The following COA5 variants were observed in gnomAD, a reference collection of about 807,000 sequenced individuals.
The protein encoded by COA5 is cytochrome c oxidase assembly factor 5, also known as protein C2orf64.
In COA5, 11 loss-of-function variants were observed where a neutral mutation model predicts 11.8. That is an observed-to-expected ratio of 0.93 (90% CI 0.59 to 1.54). The LOEUF is 1.54. COA5 is among the 40% of genes most tolerant of loss of function. The probability of loss-of-function intolerance (pLI) is 0.00; values close to 1 mark genes in which losing one functional copy is unlikely to be tolerated. For missense variants in COA5, 87 were observed against 89.2 expected (o/e 0.97, Z 0.10); for synonymous variants, 38 against 37.5 (o/e 1.01, Z -0.05).
Position 98,599,453 on chromosome 2 carries a change from A to C in COA5, c.*1299T>G, listed in dbSNP as rs1194560642. 3 of 152,194 alleles carry C rather than the reference A, an allele frequency of 2.0e-5. No individual in the cohort carries two copies. The highest frequency in any genetic ancestry group is 2.9e-5 in the Non-Finnish European group (2 of 68,044). The allele number at this position is 152,194 out of a possible 1,614,324, so 9.4% of individuals were successfully genotyped here. On this transcript the variant is annotated 3_prime_UTR_variant, in exon 3 of 3. Coordinates refer to ENST00000328709, the MANE Select transcript of COA5 (RefSeq NM_001008215.3). The stretch of plus-strand genomic sequence containing the variant: ...TAATAAAAAGTTAGATCACTTATAT[A>C]TATATACATTGAAAAAAACTATTAT...
chr2:98,606,487 A>C (rs1008258508), intron 1 of COA5, among the ~76,000 whole-genome samples: 1 of 152,242 alleles, frequency 6.6e-6, no homozygotes, highest in African/African-American at 2.4e-5. Flanking sequence ...CGGGAAAAGC[A>C]AAGTCTGTAC....
intron 2 of COA5, chr2:98,602,271 A>G (rs1437097346): frequency 6.6e-6 from 1 of 152,176 alleles, no homozygotes; most frequent in Non-Finnish European, 1.5e-5. Context: ...TTTTTTGCCA[A>G]GCATGTATAA....
At chr2:98,600,916 G>A in intron 2 of COA5, 123 bp from the exon 3 acceptor site, 1 of 704,330 alleles carries the variant, frequency 1.4e-6, no homozygotes, top group Non-Finnish European at 2.5e-6. Context: ...TCAAAAAGGT[G>A]ATGACATCAG....
At chr2:98,604,036 A>T in intron 2 of COA5, 72 bp downstream of exon 2, 1 of 1,081,226 alleles carries the variant, frequency 9.2e-7, no homozygotes, top group Non-Finnish European at 1.4e-6. Flanking sequence ...TATAACTATT[A>T]AGTCATTCAT....
At chr2:98,604,595 A>T (rs2106593406) in intron 1 of COA5, 1 of 215,706 alleles carries the variant, frequency 4.6e-6, no homozygotes, top group Non-Finnish European at 9.3e-6. Flanking sequence ...TACTACTTAA[A>T]TAGAAACATG....
rs1700616268 is a variant in COA5 at position 98,599,820 on chromosome 2, TTGCTC to T, written c.*927_*931del. 6.6e-6 allele frequency: 1 copy of T among 152,276 alleles called. No individual in the cohort carries two copies. Among genetic ancestry groups the T allele is most frequent in the Non-Finnish European group, 1.5e-5 (1 of 68,064 alleles). 9.4% of individuals were successfully genotyped at this position (152,276 alleles called of 1,614,324 possible). On this transcript the variant is annotated 3_prime_UTR_variant, in exon 3 of 3. Coordinates refer to ENST00000328709, the MANE Select transcript of COA5 (RefSeq NM_001008215.3). ...TATAGTGAACATCTGTTGTTTCCAC[TTGCTC>T]TAAACCCCTTTCCTTTTGGGATTCA...
rs1006094553 is a variant in COA5, at chr2:98,608,469, G to A, written c.-64C>T. On this transcript the variant is annotated 5_prime_UTR_variant, in exon 1 of 3. Coordinates refer to ENST00000328709, the MANE Select transcript of COA5 (RefSeq NM_001008215.3). ...CACCGCAACACTTGCAACCGGGTCGGGAGCGAGCGAGGCCCCAGTCTCAGG... is the reference window on the plus strand; with the variant it reads ...CACCGCAACACTTGCAACCGGGTCGAGAGCGAGCGAGGCCCCAGTCTCAGG... 4 of 1,314,732 alleles carry A rather than the reference G, an allele frequency of 3.0e-6. No individual in the cohort carries two copies. In the African/African-American group the frequency reaches 4.3e-5, roughly 14 times the overall value. 81.4% of individuals were successfully genotyped at this position (1,314,732 alleles called of 1,614,324 possible). A position where few individuals can be genotyped will look rare whatever the true frequency, so the allele number is the denominator to read the frequency against.
rs1188924726 is a variant in COA5, at chr2:98,600,705, C to A, written c.*47G>T. ...TGTTTTGGCTTCTTTGTGTTAATGA[C>A]CAGGGAAAATATTTGTTGTTTTCCA... On this transcript the variant is annotated 3_prime_UTR_variant, in exon 3 of 3. Transcript: ENST00000328709. 1 of 1,561,484 alleles carries A rather than the reference C, an allele frequency of 6.4e-7. No individual in the cohort carries two copies. Among genetic ancestry groups the A allele is most frequent in the South Asian group, 1.1e-5 (1 of 88,118 alleles).
rs889476382 is a variant in COA5 at position 98,600,405 on chromosome 2, A to T, written c.*347T>A. 3.3e-6 allele frequency: 1 copy of T among 303,202 alleles called. No individual in the cohort carries two copies. Among genetic ancestry groups the T allele is most frequent in the African/African-American group, 2.1e-5 (1 of 46,812 alleles). The allele number at this position is 303,202 out of a possible 1,614,324, so 18.8% of individuals were successfully genotyped here. On this transcript the variant is annotated 3_prime_UTR_variant, in exon 3 of 3. Transcript: ENST00000328709. Reference sequence around the variant, plus strand: ...CTGCATGTTATCGACTGTGTCAGTCAAATCAGTGGCCTGTACTAATTGGGT... The same window carrying T: ...CTGCATGTTATCGACTGTGTCAGTCTAATCAGTGGCCTGTACTAATTGGGT...
chr2:98,600,833 G>T, intron 2 of COA5, 40 bp from the exon 3 acceptor site: 1 of 1,350,776 alleles, frequency 7.4e-7, no homozygotes, highest in Non-Finnish European at 1.1e-6. Flanking sequence ...TTGGTACAAT[G>T]TAATTAATTA....
chr2:98,602,178 C>A (rs1700650391), intron 2 of COA5, among the ~76,000 whole-genome samples: 1 of 152,234 alleles, frequency 6.6e-6, no homozygotes, highest in Non-Finnish European at 1.5e-5. Context: ...ATTCAAACTT[C>A]CCATCTCACC....
intron 1 of COA5, among the ~76,000 whole-genome samples, chr2:98,608,067 A>C (rs908977289): frequency 6.6e-6 from 1 of 152,260 alleles, no homozygotes; most frequent in Admixed American, 6.5e-5. Flanking sequence ...CGTGAACTGA[A>C]ATGGGTTAAC....
At position 98,600,626 on chromosome 2, in the gene COA5, C is replaced by G; in HGVS notation, c.*126G>C. 2 of 774,410 alleles carry G rather than the reference C, an allele frequency of 2.6e-6. No individual in the cohort carries two copies. The highest frequency in any genetic ancestry group is 3.4e-5 in the African/African-American group (2 of 58,338). 48.0% of individuals were successfully genotyped at this position (774,410 alleles called of 1,614,324 possible). On this transcript the variant is annotated 3_prime_UTR_variant, in exon 3 of 3. Coordinates refer to ENST00000328709, the MANE Select transcript of COA5 (RefSeq NM_001008215.3). ...CAACTCATCCACTTTCTTCAGTGTTCCACGGAGGGGAAATCTGGTCCAACC... is the reference window on the plus strand; with the variant it reads ...CAACTCATCCACTTTCTTCAGTGTTGCACGGAGGGGAAATCTGGTCCAACC...
intron 1 of COA5, 57 bp from the exon 2 acceptor site, chr2:98,604,248 A>G: frequency 1.6e-6 from 2 of 1,255,164 alleles, no homozygotes; most frequent in Admixed American, 3.4e-5. Context: ...ACAAAGTACA[A>G]AATAATTGTC....
intron 1 of COA5, among the ~76,000 whole-genome samples, chr2:98,606,238 T>C (rs1303646150): frequency 6.6e-6 from 1 of 152,182 alleles, no homozygotes; most frequent in Non-Finnish European, 1.5e-5. Flanking sequence ...AGCAGAGCTT[T>C]CCTTGGTCTT....
rs185581516 is a variant in COA5, at chr2:98,607,313, G to A, written c.99+994C>T. On this transcript the variant is annotated intron_variant, in intron 1 of 2. Coordinates refer to ENST00000328709, the MANE Select transcript of COA5 (RefSeq NM_001008215.3). ...TAAGGGGCAGAAGGGACACAGCCCTGGACAGGGGAGCCTGAAAACAACGGT... is the reference window on the plus strand; with the variant it reads ...TAAGGGGCAGAAGGGACACAGCCCTAGACAGGGGAGCCTGAAAACAACGGT... 5.9e-5 allele frequency among the ~76,000 whole-genome samples: 9 copies of A among 152,272 alleles called. No individual in the cohort carries two copies. In the East Asian group the frequency reaches 1.7e-3, roughly 29 times the overall value.
chr2:98,603,182 C>G (rs1028506463), intron 2 of COA5, among the ~76,000 whole-genome samples: 4 of 152,082 alleles, frequency 2.6e-5, no homozygotes, highest in Non-Finnish European at 5.9e-5. Context: ...CCTAAGCAAA[C>G]AAAAGCATGC....
At chr2:98,603,710 A>G (rs1700674511) in intron 2 of COA5, among the ~76,000 whole-genome samples, 1 of 152,164 alleles carries the variant, frequency 6.6e-6, no homozygotes, top group South Asian at 2.1e-4. Context: ...AAATTCAAAC[A>G]CAGATACTGA....
chr2:98,600,758 T>C lies in COA5; in HGVS notation c.219A>G (p.Gly73=). ...TTGGCTTCAACATAATGCATCAATA[T>C]CCTTTTCTTCCTCTGAATCTTGCCC... is the stretch of plus-strand genomic sequence containing the variant. ...DNRARFRGRK[G]Y The change falls in exon 3 of 3, where the codon GGA becomes GGG. Residue 73 remains glycine, a synonymous_variant. Transcript: ENST00000328709. 6.2e-7 allele frequency: 1 copy of C among 1,609,614 alleles called. No homozygotes were observed. The highest frequency in any genetic ancestry group is 8.5e-7 in the Non-Finnish European group (1 of 1,176,526).
Sources: allele counts gnomAD v4.1 joint callset (sites outside exome capture counted in the v4.1 genomes callset), GRCh38; gene constraint gnomAD v4.1.1; transcripts MANE v1.5; gene names NCBI Gene and HGNC (gene_info 2026-07-23, HGNC 2026-07-21).